Variants in PRKDC observed in about 807,000 individuals in gnomAD.
PRKDC encodes the protein protein kinase, DNA-activated, catalytic subunit, also known as DNA-dependent protein kinase catalytic subunit.
In PRKDC, 82 loss-of-function variants were observed where a neutral mutation model predicts 486.9. That is an observed-to-expected ratio of 0.17 (90% confidence interval 0.14 to 0.20). The LOEUF (loss-of-function observed/expected upper bound fraction) is 0.20. PRKDC is among the 10% of genes least tolerant of loss of function. The pLI, the probability that PRKDC is intolerant of heterozygous loss-of-function variation, is 1.00. For synonymous variants in PRKDC, 1,895 were observed against 1,837.0 expected (o/e 1.03, Z -0.81); for missense variants, 4,504 against 5,038.2 (o/e 0.89, Z 3.21).
intron 23 of PRKDC, 106 bp from the exon 24 acceptor site, chr8:47,914,170 T>C (rs189844369): frequency 1.0e-5 from 10 of 992,916 alleles, no homozygotes; most frequent in Middle Eastern, 2.7e-4. Flanking sequence ...CTACATTCTA[T>C]TAAAGTGAAG....
At chr8:47,844,014 C>T (rs1309865353) in intron 54 of PRKDC, among the ~76,000 whole-genome samples, 2 of 152,208 alleles carry the variant, frequency 1.3e-5, no homozygotes, top group Non-Finnish European at 2.9e-5. Context: ...CAGGTAACAA[C>T]ACGACAACAG....
intron 83 of PRKDC, 77 bp downstream of exon 83, chr8:47,778,380 CTG>C (rs1327735853): frequency 7.0e-7 from 1 of 1,433,010 alleles, no homozygotes; most frequent in Non-Finnish European, 9.4e-7. Flanking sequence ...TCCTTAAAAA[CTG>C]TCTATTTCTG....
At chr8:47,856,352 C>G (rs1017808656) in intron 49 of PRKDC, among the ~76,000 whole-genome samples, 1 of 152,012 alleles carries the variant, frequency 6.6e-6, no homozygotes, top group Non-Finnish European at 1.5e-5. Context: ...CTCAGCCTCC[C>G]GAATAGCTAG....
At chr8:47,868,388 C>T (rs2088864134) in intron 40 of PRKDC, among the ~76,000 whole-genome samples, 1 of 150,578 alleles carries the variant, frequency 6.6e-6, no homozygotes, top group Admixed American at 6.6e-5. Context: ...AAGAACCTCT[C>T]TACGTTTAAA....
chr8:47,796,918 T>C (rs2086996387), intron 73 of PRKDC, among the ~76,000 whole-genome samples: 1 of 152,138 alleles, frequency 6.6e-6, no homozygotes, highest in South Asian at 2.1e-4. Context: ...TTGTATACGG[T>C]ATTTTCTTTT....
intron 85 of PRKDC, among the ~76,000 whole-genome samples, chr8:47,774,789 G>GA (rs1421413420): frequency 1.4e-4 from 21 of 151,990 alleles, no homozygotes; most frequent in Non-Finnish European, 4.4e-5. Flanking sequence ...TAAAAAAAGA[G>GA]AAAGTTTTAA....
intron 60 of PRKDC, 59 bp downstream of exon 60, chr8:47,831,755 G>A (rs2087881884): frequency 6.4e-7 from 1 of 1,556,458 alleles, no homozygotes; most frequent in Non-Finnish European, 8.9e-7. Flanking sequence ...TGTTCACTTC[G>A]TCTGTATCCT....
Position 47,831,810 on chromosome 8 carries a change from A to G in PRKDC, c.8265+4T>C, listed in dbSNP as rs777540769. On this transcript the variant is annotated splice_donor_region_variant and intron_variant, in intron 60 of 85. Transcript: ENST00000314191. Reference sequence around the variant, plus strand: ...TCTGATCAAATTCTTGACAAGATACAAACCTTCTCTCGTTTTTGCTCAGCA... The same window carrying G: ...TCTGATCAAATTCTTGACAAGATACGAACCTTCTCTCGTTTTTGCTCAGCA... 3.6e-5 allele frequency: 58 copies of G among 1,613,250 alleles called. No homozygotes were observed. The highest frequency in any genetic ancestry group is 4.8e-5 in the Non-Finnish European group (57 of 1,179,312).
rs147184259 is a variant in PRKDC, at chr8:47,953,735, TAAG to T, written c.622-19_622-17del. 275 of 1,601,222 alleles carry T rather than the reference TAAG, an allele frequency of 1.7e-4. No homozygotes were observed. In the African/African-American group the frequency reaches 3.2e-3, roughly 19 times the overall value. ...CTGATGTCATCTAAAAGAAAAGATT[TAAG>T]AAGATGTCATTACAAGAGAAAAACA... On this transcript the variant is annotated splice_polypyrimidine_tract_variant and intron_variant, in intron 6 of 85. Coordinates refer to ENST00000314191, the MANE Select transcript of PRKDC (RefSeq NM_006904.7).
At chr8:47,817,314 A>G (rs1589717140) in intron 68 of PRKDC, 136 bp downstream of exon 68, 3 of 643,420 alleles carry the variant, frequency 4.7e-6, no homozygotes, top group East Asian at 5.5e-5. Context: ...AACTACTTAC[A>G]TGGGAAACAG....
intron 54 of PRKDC, among the ~76,000 whole-genome samples, chr8:47,848,022 C>T (rs1355082977): frequency 6.6e-6 from 1 of 152,120 alleles, no homozygotes; most frequent in Non-Finnish European, 1.5e-5. Context: ...AAAAGGAACA[C>T]TTATACATGG....
chr8:47,854,293 A>T (rs2088482761), intron 50 of PRKDC, 79 bp from the exon 51 acceptor site: 1 of 1,522,380 alleles, frequency 6.6e-7, no homozygotes, highest in African/African-American at 1.4e-5. Flanking sequence ...ACAGAATTTT[A>T]TTTTTTTGAG....
chr8:47,958,534 G>C (rs1156665174), intron 1 of PRKDC, among the ~76,000 whole-genome samples: 4 of 152,134 alleles, frequency 2.6e-5, no homozygotes, highest in African/African-American at 9.7e-5. Context: ...TCTCTCAAGT[G>C]AAAGGAGATA....
intron 38 of PRKDC, 140 bp downstream of exon 38, chr8:47,881,276 T>C: frequency 5.0e-6 from 3 of 602,716 alleles, no homozygotes; most frequent in South Asian, 4.3e-5. Flanking sequence ...GGCTAATAAG[T>C]ACGGGGGATT....
chr8:47,815,128 A>G (rs1316151005), intron 68 of PRKDC, among the ~76,000 whole-genome samples: 1 of 152,178 alleles, frequency 6.6e-6, no homozygotes, highest in African/African-American at 2.4e-5. Context: ...ATCGGGTGAC[A>G]GAGTAAGACC....
chr8:47,943,402 C>A (rs568860650), intron 9 of PRKDC, 36 bp from the exon 10 acceptor site: 4 of 1,556,054 alleles, frequency 2.6e-6, no homozygotes, highest in African/African-American at 1.4e-5. Context: ...TAAAATCAGA[C>A]GACATAACAC....
At chr8:47,779,255 TG>T (rs1310792532) in intron 80 of PRKDC, 162 bp from the exon 81 acceptor site, 1 of 546,042 alleles carries the variant, frequency 1.8e-6, no homozygotes, top group East Asian at 3.0e-5. Flanking sequence ...CACATTACTC[TG>T]GATCTTGAAT....
At chr8:47,813,296 T>C (rs2087373736) in intron 68 of PRKDC, among the ~76,000 whole-genome samples, 1 of 151,914 alleles carries the variant, frequency 6.6e-6, no homozygotes, top group Non-Finnish European at 1.5e-5. Flanking sequence ...TTTTGTATTT[T>C]TAGTAGAGGC....
chr8:47,831,709 G>A, intron 60 of PRKDC, 105 bp downstream of exon 60: 1 of 1,230,166 alleles, frequency 8.1e-7, no homozygotes, highest in Non-Finnish European at 1.2e-6. Flanking sequence ...AACCTGGTTT[G>A]CAGGTGACAT....
Sources: gnomAD v4.1 joint callset for allele counts (sites outside exome capture counted in the v4.1 genomes callset) on GRCh38, gnomAD v4.1.1 for gene constraint, MANE v1.5 for transcripts, NCBI Gene and HGNC (gene_info 2026-07-23, HGNC 2026-07-21) for gene names.